The following ATP8A1 variants were observed in gnomAD, a reference collection of about 807,000 sequenced individuals.
The protein encoded by ATP8A1 is ATPase phospholipid transporting 8A1, also known as phospholipid-transporting ATPase IA.
Under a neutral mutation model 177.7 loss-of-function variants are expected in ATP8A1, and 90 were observed. The observed-to-expected ratio is 0.51, with a 90% CI of 0.43 to 0.60. ATP8A1 has a LOEUF of 0.60. ATP8A1 is among the 20% of genes least tolerant of loss of function. The pLI is 0.00. For synonymous variants in ATP8A1, 493 were observed against 485.9 expected (o/e 1.01, Z -0.19); for missense variants, 1,072 against 1,392.8 (o/e 0.77, Z 3.67).
At chr4:42,450,598 C>T (rs1251480997) in intron 30 of ATP8A1, among the ~76,000 whole-genome samples, 2 of 152,144 alleles carry the variant, frequency 1.3e-5, no homozygotes, top group African/African-American at 4.8e-5. Flanking sequence ...ATTCCACAGC[C>T]TAGACATTGA....
At chr4:42,461,941 A>G (rs1719207714) in intron 27 of ATP8A1, among the ~76,000 whole-genome samples, 1 of 152,202 alleles carries the variant, frequency 6.6e-6, no homozygotes, top group African/African-American at 2.4e-5. Flanking sequence ...ATGTTTTAGC[A>G]AAGAGACTGG....
chr4:42,471,819 T>A, intron 25 of ATP8A1: 1 of 530,140 alleles, frequency 1.9e-6, no homozygotes, highest in South Asian at 1.7e-5. Context: ...CATGTTCATT[T>A]CAAGCACCAA....
intron 36 of ATP8A1, among the ~76,000 whole-genome samples, chr4:42,414,341 A>C (rs985687100): frequency 1.3e-5 from 2 of 152,254 alleles, no homozygotes; most frequent in Admixed American, 6.5e-5. Context: ...GCTTTTAAGA[A>C]TTAAGATTTA....
intron 33 of ATP8A1, among the ~76,000 whole-genome samples, chr4:42,435,897 CTT>C (rs1480615333): frequency 1.3e-5 from 2 of 152,184 alleles, no homozygotes; most frequent in Non-Finnish European, 2.9e-5. Context: ...TCACTTATCA[CTT>C]TGTCAAATTA....
At position 42,550,247 on chromosome 4, in the gene ATP8A1, C is replaced by A. The variant is rs143122443; in HGVS notation, c.1602+951G>T. On this transcript the variant is annotated intron_variant, in intron 18 of 36. Transcript: ENST00000381668. Reference sequence around the variant, plus strand: ...AATGTTTTTGATTCATGTTTTGATTCATTTTTCATCCATGCTGTTGATGAA... The same window carrying A: ...AATGTTTTTGATTCATGTTTTGATTAATTTTTCATCCATGCTGTTGATGAA... Among the ~76,000 whole-genome samples the A allele has an allele frequency of 3.1e-3, 409 of 132,710 alleles. 3 individuals carry two copies. The highest frequency in any genetic ancestry group is 0.01 in the African/African-American group (360 of 35,038). 87.1% of individuals were successfully genotyped at this position (132,710 alleles called of 152,430 possible).
intron 24 of ATP8A1, among the ~76,000 whole-genome samples, chr4:42,488,087 A>G (rs892543005): frequency 1.3e-5 from 2 of 152,216 alleles, no homozygotes; most frequent in African/African-American, 2.4e-5. Context: ...ACTAATGACA[A>G]TCTATAATAG....
chr4:42,499,782 G>A (rs1236069737), intron 24 of ATP8A1, among the ~76,000 whole-genome samples: 6 of 152,184 alleles, frequency 3.9e-5, no homozygotes, highest in Admixed American at 3.9e-4. Context: ...CTGTTTCAGT[G>A]CATTTCGAAA....
intron 33 of ATP8A1, among the ~76,000 whole-genome samples, chr4:42,440,344 T>C (rs1451400615): frequency 6.6e-6 from 1 of 151,908 alleles, no homozygotes; most frequent in Non-Finnish European, 1.5e-5. Flanking sequence ...AGTTTTTTTT[T>C]TTTTTTTTTT....
chr4:42,494,352 G>C (rs546428655), intron 24 of ATP8A1, among the ~76,000 whole-genome samples: 3 of 152,152 alleles, frequency 2.0e-5, no homozygotes, highest in South Asian at 4.2e-4. Flanking sequence ...ACAGGTGCCT[G>C]TAATCCCAGC....
intron 25 of ATP8A1, chr4:42,472,255 A>T (rs957933214): frequency 1.1e-5 from 6 of 565,082 alleles, no homozygotes; most frequent in Non-Finnish European, 2.1e-5. Flanking sequence ...CAGCCGGCTC[A>T]TAAAGGTTCA....
At chr4:42,485,029 T>C (rs986917126) in intron 25 of ATP8A1, among the ~76,000 whole-genome samples, 2 of 152,172 alleles carry the variant, frequency 1.3e-5, no homozygotes, top group African/African-American at 4.8e-5. Context: ...GATTTTAATT[T>C]AGGATATAGG....
intron 15 of ATP8A1, among the ~76,000 whole-genome samples, chr4:42,560,430 A>C (rs1024820945): frequency 6.6e-6 from 1 of 152,058 alleles, no homozygotes; most frequent in African/African-American, 2.4e-5. Flanking sequence ...TGAAATAAAC[A>C]CCCTATCTAT....
rs114774855 is a variant in ATP8A1 at position 42,531,995 on chromosome 4, G to A, written c.1723-7148C>T. Among the ~76,000 whole-genome samples the A allele has an allele frequency of 4.6e-5, 7 of 151,990 alleles. No individual in the cohort carries two copies. The East Asian group carries it at 9.7e-4, about 21-fold the overall frequency. The stretch of plus-strand genomic sequence containing the variant: ...TGCGTGCTTGCAGTCCCAGTTACTC[G>A]GGAGTATGAGGTGGAAGGATCATGT... On this transcript the variant is annotated intron_variant, in intron 20 of 36. Transcript: ENST00000381668.
intron 1 of ATP8A1, among the ~76,000 whole-genome samples, chr4:42,643,079 C>T (rs908660440): frequency 2.6e-5 from 4 of 152,174 alleles, no homozygotes; most frequent in Non-Finnish European, 4.4e-5. Context: ...GCAGTGATCA[C>T]GTGAAAGACT....
chr4:42,514,794 T>C (rs1409504825), intron 22 of ATP8A1, among the ~76,000 whole-genome samples: 1 of 152,204 alleles, frequency 6.6e-6, no homozygotes, highest in Non-Finnish European at 1.5e-5. Flanking sequence ...TATGGGTCCC[T>C]GAGCAAGTAA....
intron 5 of ATP8A1, among the ~76,000 whole-genome samples, chr4:42,601,033 C>CTTTTTT (rs36117571): frequency 1.5e-4 from 15 of 102,414 alleles, no homozygotes; most frequent in South Asian, 6.5e-4. Flanking sequence ...CCCAAATTTT[C>CTTTTTT]TTTTTTTTTT....
Position 42,485,543 on chromosome 4 carries a change from C to T in ATP8A1, c.2277G>A (p.Gln759=), listed in dbSNP as rs1722106296. 1 of 1,613,340 alleles carries T rather than the reference C, an allele frequency of 6.2e-7. No homozygotes were observed. Among genetic ancestry groups the T allele is most frequent in the Admixed American group, 1.7e-5 (1 of 59,934 alleles). Residue 759 remains glutamine (Q), a synonymous_variant, in exon 25 of 37, where the codon CAG becomes CAA. Coordinates refer to ENST00000381668, the MANE Select transcript of ATP8A1 (RefSeq NM_006095.2). ...ATGACAAAGCTAAGTCCAGGAAATA[C>T]TGTCGTACTCCAAAGGTTAAGGCAT... ...LKYALTFGVR[Q]YFLDLALSCK...
chr4:42,451,940 G>C, intron 30 of ATP8A1, 41 bp downstream of exon 30: 1 of 1,394,288 alleles, frequency 7.2e-7, no homozygotes, highest in East Asian at 2.3e-5. Flanking sequence ...TTCTAAAAAA[G>C]TAAAAAGTCA....
At chr4:42,613,593 C>A (rs983635238) in intron 5 of ATP8A1, among the ~76,000 whole-genome samples, 3 of 151,092 alleles carry the variant, frequency 2.0e-5, no homozygotes, top group Admixed American at 1.3e-4. Context: ...CATTGTTTTT[C>A]TTTTTTTTAA....
Sources: gnomAD v4.1 joint callset for allele counts (sites outside exome capture counted in the v4.1 genomes callset) on GRCh38, gnomAD v4.1.1 for gene constraint, MANE v1.5 for transcripts, NCBI Gene and HGNC (gene_info 2026-07-23, HGNC 2026-07-21) for gene names.